Variants in MAGI2 observed in about 807,000 individuals in gnomAD.
MAGI2 encodes membrane associated guanylate kinase, WW and PDZ domain containing 2, also known as membrane-associated guanylate kinase, WW and PDZ domain-containing protein 2.
Under a neutral mutation model 133.3 loss-of-function variants are expected in MAGI2, and 35 were observed. That is an observed-to-expected ratio of 0.26 (90% CI 0.20 to 0.35). The LOEUF (loss-of-function observed/expected upper bound fraction) is 0.35, where lower values mean the gene tolerates loss of function less well. Ranked by LOEUF, MAGI2 falls within the 10% of genes least tolerant of loss-of-function variation. The pLI is 1.00. For synonymous variants in MAGI2, 729 were observed against 710.6 expected (o/e 1.03, Z -0.41); for missense variants, 1,636 against 1,863.4 (o/e 0.88, Z 2.25).
intron 1 of MAGI2, among the ~76,000 whole-genome samples, chr7:79,031,054 T>A (rs1029263466): frequency 5.9e-5 from 9 of 152,174 alleles, no homozygotes; most frequent in Non-Finnish European, 1.0e-4. Flanking sequence ...GAGTTAGATA[T>A]AGCAATCATG....
intron 1 of MAGI2, among the ~76,000 whole-genome samples, chr7:79,019,635 C>A (rs989115638): frequency 1.3e-5 from 2 of 151,934 alleles, no homozygotes; most frequent in Non-Finnish European, 2.9e-5. Flanking sequence ...ACTTCTGCAT[C>A]CTGGGTTCAA....
intron 1 of MAGI2, among the ~76,000 whole-genome samples, chr7:79,010,108 C>T (rs1254255471): frequency 6.6e-6 from 1 of 151,752 alleles, no homozygotes; most frequent in Non-Finnish European, 1.5e-5. Context: ...TATATATACA[C>T]ATATATACAC....
At chr7:78,526,908 T>C (rs1009118841) in intron 3 of MAGI2, among the ~76,000 whole-genome samples, 3 of 143,132 alleles carry the variant, frequency 2.1e-5, no homozygotes, top group African/African-American at 5.2e-5. Context: ...CTAAGGAGGC[T>C]GAGACAGGAG....
intron 21 of MAGI2, among the ~76,000 whole-genome samples, chr7:78,066,937 T>C (rs1037750047): frequency 1.3e-5 from 2 of 152,248 alleles, no homozygotes; most frequent in Non-Finnish European, 2.9e-5. Flanking sequence ...TGGTGCTATG[T>C]ATATACGGCT....
At chr7:78,814,629 T>TGC (rs1312873810) in intron 2 of MAGI2, among the ~76,000 whole-genome samples, 1 of 152,204 alleles carries the variant, frequency 6.6e-6, no homozygotes, top group African/African-American at 2.4e-5. Flanking sequence ...TGTGTGTGTG[T>TGC]GCACAAACCC....
intron 3 of MAGI2, among the ~76,000 whole-genome samples, chr7:78,529,293 T>G (rs1797234245): frequency 6.6e-6 from 1 of 152,182 alleles, no homozygotes; most frequent in Non-Finnish European, 1.5e-5. Flanking sequence ...GTCCACAGAC[T>G]GGCTAGGGAA....
intron 3 of MAGI2, among the ~76,000 whole-genome samples, chr7:78,522,191 T>G (rs752534137): frequency 6.6e-6 from 1 of 152,166 alleles, no homozygotes; most frequent in African/African-American, 2.4e-5. Context: ...ACAGTGCGCC[T>G]GCTGCTCTAT....
chr7:78,142,342 G>A (rs531357235), intron 16 of MAGI2, among the ~76,000 whole-genome samples: 13 of 152,210 alleles, frequency 8.5e-5, no homozygotes, highest in Middle Eastern at 3.4e-3. Flanking sequence ...AGTGTCTGCC[G>A]TGGAAGGTGT....
intron 1 of MAGI2, among the ~76,000 whole-genome samples, chr7:79,264,859 CAG>C (rs150944484): frequency 1.1e-3 from 165 of 144,738 alleles, no homozygotes; most frequent in Admixed American, 1.9e-3. Context: ...GAGAGAGACA[CAG>C]AGAGAGAGAG....
chr7:79,132,510 T>A (rs1041767775), intron 1 of MAGI2, among the ~76,000 whole-genome samples: 1 of 152,188 alleles, frequency 6.6e-6, no homozygotes, highest in South Asian at 2.1e-4. Context: ...CCATGGTGTA[T>A]ACATACTACA....
intron 21 of MAGI2, among the ~76,000 whole-genome samples, chr7:78,076,657 T>C (rs1815336391): frequency 6.7e-6 from 1 of 149,406 alleles, no homozygotes. Context: ...CCATCCTGGC[T>C]AACAAGGTGA....
intron 2 of MAGI2, among the ~76,000 whole-genome samples, chr7:78,741,401 AC>A: frequency 7.0e-6 from 1 of 142,634 alleles, no homozygotes; most frequent in African/African-American, 2.8e-5. Flanking sequence ...ACACACACAC[AC>A]ACACACACAC....
chr7:78,969,409 T>C (rs141586430), intron 2 of MAGI2, among the ~76,000 whole-genome samples: 358 of 152,200 alleles, frequency 2.4e-3, no homozygotes, highest in Middle Eastern at 3.4e-3. Flanking sequence ...TCCTCTTTTT[T>C]ATCTGTTAAA....
At chr7:78,044,577 T>G (rs1811197947) in intron 21 of MAGI2, among the ~76,000 whole-genome samples, 1 of 152,170 alleles carries the variant, frequency 6.6e-6, no homozygotes, top group South Asian at 2.1e-4. Context: ...AATCCTTAAT[T>G]CATTTTTTCA....
At chr7:78,422,816 A>T (rs1798923011) in intron 6 of MAGI2, among the ~76,000 whole-genome samples, 1 of 152,214 alleles carries the variant, frequency 6.6e-6, no homozygotes, top group Admixed American at 6.5e-5. Context: ...AGTCTTGCAC[A>T]AAACAGACTC....
chr7:78,406,778 G>A lies in MAGI2; in HGVS notation c.1046-37565C>T, dbSNP rs558478152. On this transcript the variant is annotated intron_variant, in intron 6 of 21. Transcript: ENST00000354212. The stretch of plus-strand genomic sequence containing the variant: ...ACAGCTGTAAACTTATTGTAGCTAT[G>A]GTAAGGATAAAGCTGTGAGCTCTAA... Among the ~76,000 whole-genome samples the A allele has an allele frequency of 1.4e-4, 22 of 152,092 alleles. No individual in the cohort carries two copies. The South Asian group carries it at 4.6e-3, about 32-fold the overall frequency.
chr7:78,958,595 A>G (rs1802593013), intron 2 of MAGI2, among the ~76,000 whole-genome samples: 1 of 152,224 alleles, frequency 6.6e-6, no homozygotes, highest in Non-Finnish European at 1.5e-5. Context: ...AAAAGTAATT[A>G]TAGTTAGCTA....
At chr7:78,348,660 C>T (rs919931517) in intron 7 of MAGI2, among the ~76,000 whole-genome samples, 2 of 152,088 alleles carry the variant, frequency 1.3e-5, no homozygotes, top group African/African-American at 4.8e-5. Context: ...CTTTAAGTAA[C>T]AAATAATCCA....
chr7:79,046,092 T>C (rs1320262828), intron 1 of MAGI2, among the ~76,000 whole-genome samples: 2 of 152,160 alleles, frequency 1.3e-5, no homozygotes, highest in Admixed American at 1.3e-4. Context: ...ATAATTATAT[T>C]AAAACAATTT....
Sources: allele counts gnomAD v4.1 joint callset (sites outside exome capture counted in the v4.1 genomes callset), GRCh38; gene constraint gnomAD v4.1.1; transcripts MANE v1.5; gene names NCBI Gene and HGNC (gene_info 2026-07-23, HGNC 2026-07-21).